The following SMCHD1 variants were observed in gnomAD, a reference collection of about 807,000 sequenced individuals.
SMCHD1 encodes the protein structural maintenance of chromosomes flexible hinge domain-containing protein 1.
In SMCHD1, 78 loss-of-function variants were observed where a neutral mutation model predicts 254.7. The ratio of observed to expected loss-of-function variants is 0.31; its 90% CI spans 0.26 to 0.37. The LOEUF (loss-of-function observed/expected upper bound fraction) is 0.37. Ranked by LOEUF, SMCHD1 falls within the 10% of genes least tolerant of loss-of-function variation. The pLI, the probability that SMCHD1 is intolerant of heterozygous loss-of-function variation, is 1.00. For synonymous variants in SMCHD1, 766 were observed against 794.9 expected, an observed-to-expected ratio of 0.96 and a Z score of 0.61; for missense variants, 1,840 against 2,408.1, an observed-to-expected ratio of 0.76 and a Z score of 4.94.
Position 2,766,446 on chromosome 18 carries a change from A to G in SMCHD1, c.4719+2657A>G, listed in dbSNP as rs2075870542. ...GCATGTAAATTGTACTCTTACCACT[A>G]GAGGACCCTGATATCTCACTGAATC... On this transcript the variant is annotated intron_variant, in intron 37 of 47. Transcript: ENST00000320876. Among the ~76,000 whole-genome samples the G allele has an allele frequency of 2.0e-5, 3 of 152,244 alleles. No individual in the cohort carries two copies. In the South Asian group the frequency reaches 6.2e-4, roughly 32 times the overall value.
chr18:2,656,201 C>CCGGCCTCTGCAGGTCGGGGAG lies in SMCHD1; in HGVS notation c.129_149dup (p.Pro44_Arg50dup). ...GCGAAAAGGAGTCCGAGCTCGGGGA[C>CCGGCCTCTGCAGGTCGGGGAG]CGGCCTCTGCAGGTCGGGGAGCGCT... On this transcript the variant is annotated inframe_insertion, in exon 1 of 48. Coordinates refer to ENST00000320876, the MANE Select transcript of SMCHD1 (RefSeq NM_015295.3). The CCGGCCTCTGCAGGTCGGGGAG allele has an allele frequency of 6.6e-7, 1 of 1,504,182 alleles. No individual in the cohort carries two copies. The highest frequency in any genetic ancestry group is 8.8e-7 in the Non-Finnish European group (1 of 1,133,462). 93.2% of individuals were successfully genotyped at this position (1,504,182 alleles called of 1,614,324 possible). A position where few individuals can be genotyped will look rare whatever the true frequency, so the allele number is the denominator to read the frequency against.
chr18:2,699,754 C>G (rs1274279480), intron 10 of SMCHD1, among the ~76,000 whole-genome samples: 2 of 152,222 alleles, frequency 1.3e-5, no homozygotes. Context: ...AGTGATCAAT[C>G]AGAGGGATTC....
At chr18:2,759,573 T>C (rs1005343851) in intron 34 of SMCHD1, among the ~76,000 whole-genome samples, 1 of 128,298 alleles carries the variant, frequency 7.8e-6, no homozygotes, top group African/African-American at 3.0e-5. Context: ...AATTCTCTCT[T>C]TTTTTTTTTT....
intron 45 of SMCHD1, among the ~76,000 whole-genome samples, chr18:2,786,317 T>G (rs1311016910): frequency 2.1e-5 from 3 of 145,558 alleles, no homozygotes; most frequent in Non-Finnish European, 3.1e-5. Context: ...TAAAGTAAAA[T>G]ACACATAGAA....
intron 3 of SMCHD1, among the ~76,000 whole-genome samples, chr18:2,669,015 C>A (rs1170470863): frequency 6.7e-6 from 1 of 149,476 alleles, no homozygotes; most frequent in Non-Finnish European, 1.5e-5. Flanking sequence ...ACTAGGACTA[C>A]AAGTGCATAC....
intron 32 of SMCHD1, 150 bp downstream of exon 32, chr18:2,750,657 T>C (rs1209792085): frequency 1.5e-5 from 9 of 612,544 alleles, no homozygotes; most frequent in African/African-American, 1.9e-5. Context: ...AGATGTTAAG[T>C]CAATAGGAAA....
intron 17 of SMCHD1, among the ~76,000 whole-genome samples, chr18:2,713,966 C>G (rs1431114179): frequency 6.6e-6 from 1 of 152,170 alleles, no homozygotes; most frequent in East Asian, 1.9e-4. Context: ...GTATACTCTG[C>G]ATATTGTTGG....
At chr18:2,656,438 C>A (rs955853269) in intron 1 of SMCHD1, among the ~76,000 whole-genome samples, 177 bp downstream of exon 1, 1 of 152,190 alleles carries the variant, frequency 6.6e-6, no homozygotes, top group Non-Finnish European at 1.5e-5. Context: ...ACGCCTCGGG[C>A]GGGCCCTGGC....
chr18:2,794,392 G>A (rs991487070), intron 45 of SMCHD1, among the ~76,000 whole-genome samples: 1 of 152,126 alleles, frequency 6.6e-6, no homozygotes, highest in African/African-American at 2.4e-5. Context: ...TGTAATCCGA[G>A]CTATTCACGA....
intron 7 of SMCHD1, among the ~76,000 whole-genome samples, chr18:2,694,076 A>G (rs1208781452): frequency 6.6e-6 from 1 of 152,012 alleles, no homozygotes. Flanking sequence ...TTTAAGCACT[A>G]TGTGTTTGGG....
At chr18:2,706,975 G>A (rs2074529885) in intron 15 of SMCHD1, among the ~76,000 whole-genome samples, 2 of 152,158 alleles carry the variant, frequency 1.3e-5, no homozygotes, top group South Asian at 2.1e-4. Flanking sequence ...AGAGAGAGAG[G>A]GAAGGGGGAA....
In SMCHD1 at chr18:2,770,634, G is replaced by GT. The variant is rs886951727; in HGVS notation, c.4966+535dup. On this transcript the variant is annotated intron_variant, in intron 39 of 47. Transcript: ENST00000320876. ...TGTTTAGTTTTGTTTTCTGTTTTTTGTTTTTTTTTGAGACACAGTCTCTGT... is the reference window on the plus strand; with the variant it reads ...TGTTTAGTTTTGTTTTCTGTTTTTTGTTTTTTTTTTGAGACACAGTCTCTGT... Among the ~76,000 whole-genome samples, 1,427 of 150,588 alleles carry GT rather than the reference G, an allele frequency of 9.5e-3. 16 individuals carry two copies. The highest frequency in any genetic ancestry group is 0.03 in the African/African-American group (1,225 of 41,102).
At chr18:2,735,272 A>G (rs2075227514) in intron 25 of SMCHD1, among the ~76,000 whole-genome samples, 1 of 152,162 alleles carries the variant, frequency 6.6e-6, no homozygotes, top group Non-Finnish European at 1.5e-5. Context: ...ATCACTGGAC[A>G]TTGAAGAACA....
At chr18:2,748,368 GTGTGTGTGTGTGTGTATA>G (rs1209094328) in intron 30 of SMCHD1, among the ~76,000 whole-genome samples, 44 of 37,452 alleles carry the variant, frequency 1.2e-3, no homozygotes, top group Non-Finnish European at 1.6e-3. Context: ...GTGTGTGTGT[GTGTGTGTGTGTGTGTATA>G]TAAATTTTTT....
chr18:2,778,104 A>G (rs1598436111), intron 43 of SMCHD1, 65 bp from the exon 44 acceptor site: 1 of 1,260,810 alleles, frequency 7.9e-7, no homozygotes, highest in Middle Eastern at 1.9e-4. Flanking sequence ...TGCAATGTGC[A>G]TTATATTTTA....
chr18:2,773,906 G>C lies in SMCHD1; in HGVS notation c.5175+1534G>C, dbSNP rs1398155840. Among the ~76,000 whole-genome samples, 5 of 152,134 alleles carry C rather than the reference G, an allele frequency of 3.3e-5. No homozygotes were observed. In the South Asian group the frequency reaches 8.3e-4, roughly 25 times the overall value. ...CCACTGCACTCCAGCCTGAGTGACA[G>C]AGCGAGACTCTGTCTCAAAAAAATA... On this transcript the variant is annotated intron_variant, in intron 41 of 47. Transcript: ENST00000320876.
At chr18:2,730,143 G>A (rs914039430) in intron 24 of SMCHD1, among the ~76,000 whole-genome samples, 2 of 151,914 alleles carry the variant, frequency 1.3e-5, no homozygotes, top group Non-Finnish European at 2.9e-5. Flanking sequence ...CTTTTTATTT[G>A]TGTTTTTACA....
intron 45 of SMCHD1, among the ~76,000 whole-genome samples, chr18:2,785,213 C>A (rs2076219577): frequency 6.6e-6 from 1 of 152,162 alleles, no homozygotes; most frequent in Non-Finnish European, 1.5e-5. Flanking sequence ...CATCCATTAG[C>A]TTAGAGCCTA....
At chr18:2,728,789 C>A (rs1288814224) in intron 23 of SMCHD1, 193 bp downstream of exon 23, 2 of 495,872 alleles carry the variant, frequency 4.0e-6, no homozygotes, top group Non-Finnish European at 6.7e-6. Flanking sequence ...GCCAACTGTG[C>A]CCAGTTTCAT....
Sources: gnomAD v4.1 joint callset for allele counts (sites outside exome capture counted in the v4.1 genomes callset) on GRCh38, gnomAD v4.1.1 for gene constraint, MANE v1.5 for transcripts, NCBI Gene and HGNC (gene_info 2026-07-23, HGNC 2026-07-21) for gene names.